Variants in TTLL8 observed in about 807,000 individuals in gnomAD.
TTLL8 encodes the protein tubulin tyrosine ligase like 8, also known as protein monoglycylase TTLL8.
In TTLL8, 65 loss-of-function variants were observed where a neutral mutation model predicts 77.8. The observed-to-expected ratio is 0.84, with a 90% CI of 0.68 to 1.03. The LOEUF (loss-of-function observed/expected upper bound fraction) is 1.03. Among genes scored for constraint, TTLL8 ranks in the 50% least tolerant of loss-of-function variants. TTLL8 has a pLI of 0.00. For synonymous variants in TTLL8, 402 were observed against 422.8 expected (o/e 0.95, Z 0.60); for missense variants, 910 against 1,004.5 (o/e 0.91, Z 1.27).
intron 12 of TTLL8, among the ~76,000 whole-genome samples, chr22:50,018,725 C>G (rs1464285477): frequency 6.6e-6 from 1 of 152,226 alleles, no homozygotes; most frequent in Non-Finnish European, 1.5e-5. Flanking sequence ...AAGACGTATT[C>G]AATGTTCGGC....
rs2061287470 is a variant in TTLL8, at chr22:50,031,032, T to C, written c.1708-107A>G. 3 of 1,060,026 alleles carry C rather than the reference T, an allele frequency of 2.8e-6. No homozygotes were observed. The Admixed American group carries it at 1.0e-4, about 36-fold the overall frequency. The allele number at this position is 1,060,026 out of a possible 1,614,324, so 65.7% of individuals were successfully genotyped here. ...GCTGGTCGGGGCACAGACCCCCACCTGACTCAGGAGTGAACAGTGAACACC... is the reference window on the plus strand; with the variant it reads ...GCTGGTCGGGGCACAGACCCCCACCCGACTCAGGAGTGAACAGTGAACACC... On this transcript the variant is annotated intron_variant, in intron 11 of 13. Coordinates refer to ENST00000266182, the Ensembl canonical transcript of TTLL8.
chr22:50,047,412 C>T (rs770491610), intron 3 of TTLL8, 116 bp from the exon 6 acceptor site: 259 of 842,002 alleles, frequency 3.1e-4, no homozygotes, highest in African/African-American at 5.8e-4. Context: ...GGATCCCAGC[C>T]GGGCTCTGCT....
At chr22:50,028,609 CACCGTCCTGAAGACCCCCACAT>C (rs2061248331) in intron 12 of TTLL8, among the ~76,000 whole-genome samples, 1 of 143,386 alleles carries the variant, frequency 7.0e-6, no homozygotes. Flanking sequence ...ACCCCCATCA[CACCGTCCTGAAGACCCCCACAT>C]ACCCTCGTAA....
chr22:50,058,177 G>C (rs1160627682), upstream of TTLL8, among the ~76,000 whole-genome samples: 2 of 151,868 alleles, frequency 1.3e-5, no homozygotes, highest in Non-Finnish European at 2.9e-5. This position sits in a 1 kb window ranked among gnomAD's most constrained non-coding sequence, Gnocchi z 4.2. Context: ...AGTGGCTCGC[G>C]CTGCGCCGCC....
intron 8 of TTLL8, among the ~76,000 whole-genome samples, chr22:50,039,343 C>T (rs957187163): frequency 5.9e-5 from 9 of 152,106 alleles, no homozygotes; most frequent in African/African-American, 1.9e-4. Context: ...GGTGCAGTGG[C>T]TCATGCCTGT....
In TTLL8 at chr22:50,027,799, A is replaced by G. The variant is rs190035595; in HGVS notation, c.2203+2631T>C. On this transcript the variant is annotated intron_variant, in intron 12 of 13. Transcript: ENST00000266182. The stretch of plus-strand genomic sequence containing the variant: ...GAGCACTAGCCTGAGGCCGAGGGGC[A>G]CATGGAGCTGGCCTGAGCCCAGCCA... The G allele has an allele frequency of 7.4e-3, 7,303 of 985,468 alleles. 27 individuals are homozygous for G. Among genetic ancestry groups the G allele is most frequent in the Admixed American group, 9.8e-3 (159 of 16,292 alleles). 61.0% of individuals were successfully genotyped at this position (985,468 alleles called of 1,614,324 possible).
chr22:50,020,750 C>CCATCTGATGATGTGTACTCCTT lies in TTLL8; in HGVS notation c.2204-4210_2204-4189dup, dbSNP rs2061191337. Reference sequence around the variant, plus strand: ...TGCACTCCATCTGATGTGCATTCCTCCATCTGATGATGTGTACTCCTTCAT... The same window carrying CCATCTGATGATGTGTACTCCTT: ...TGCACTCCATCTGATGTGCATTCCTCCATCTGATGATGTGTACTCCTTCATCTGATGATGTGTACTCCTTCAT... On this transcript the variant is annotated intron_variant, in intron 12 of 13. Transcript: ENST00000266182. Among the ~76,000 whole-genome samples, 5 of 149,920 alleles carry CCATCTGATGATGTGTACTCCTT rather than the reference C, an allele frequency of 3.3e-5. No homozygotes were observed. In the East Asian group the frequency reaches 5.9e-4, roughly 18 times the overall value.
intron 3 of TTLL8, 112 bp downstream of exon 5, chr22:50,049,137 C>T: frequency 7.6e-7 from 1 of 1,320,094 alleles, no homozygotes; most frequent in Non-Finnish European, 1.0e-6. Context: ...GGGCTTTGCC[C>T]TCGCCGGGCT....
At position 50,045,399 on chromosome 22, in the gene TTLL8, CA is replaced by C. The variant is rs1261533485; in HGVS notation, c.509-11del. The C allele has an allele frequency of 2.9e-6, 4 of 1,364,608 alleles. No homozygotes were observed. The highest frequency in any genetic ancestry group is 3.9e-6 in the Non-Finnish European group (4 of 1,021,794). The allele number at this position is 1,364,608 out of a possible 1,614,324, so 84.5% of individuals were successfully genotyped here. ...GTGCGCCGGAAGTCTTCTGAAAGGA[CA>C]GCACAGCCTCGCCCTATCTGTCCGA... On this transcript the variant is annotated splice_polypyrimidine_tract_variant and intron_variant, in intron 5 of 13. Coordinates refer to ENST00000266182, the Ensembl canonical transcript of TTLL8.
chr22:50,028,428 G>T (rs2061245045), intron 12 of TTLL8, among the ~76,000 whole-genome samples: 1 of 152,178 alleles, frequency 6.6e-6, no homozygotes, highest in Non-Finnish European at 1.5e-5. Context: ...CCCACACCTG[G>T]GAATGTGCCC....
chr22:50,046,560 CG>C (rs972615292), intron 4 of TTLL8, among the ~76,000 whole-genome samples: 1 of 152,250 alleles, frequency 6.6e-6, no homozygotes, highest in Non-Finnish European at 1.5e-5. Flanking sequence ...CCACTAGCAG[CG>C]CTGGCGCTGG....
chr22:50,045,508 G>C (rs1052404779), intron 5 of TTLL8, 119 bp from the exon 8 acceptor site: 76 of 861,246 alleles, frequency 8.8e-5, no homozygotes, highest in Admixed American at 2.8e-4. Flanking sequence ...AGCCGATGGG[G>C]CCCAGGCCTG....
intron 12 of TTLL8, among the ~76,000 whole-genome samples, chr22:50,025,168 A>G (rs1171438182): frequency 6.6e-6 from 1 of 151,982 alleles, no homozygotes; most frequent in African/African-American, 2.4e-5. Context: ...GTTTACACTG[A>G]GCGATTATTA....
intron 6 of TTLL8, among the ~76,000 whole-genome samples, chr22:50,042,233 T>C (rs2061376042): frequency 6.6e-6 from 1 of 152,216 alleles, no homozygotes; most frequent in African/African-American, 2.4e-5. Flanking sequence ...GGAGGAGATA[T>C]TTGCACACAC....
chr22:50,025,521 C>T (rs1171046883), intron 12 of TTLL8, among the ~76,000 whole-genome samples: 1 of 152,162 alleles, frequency 6.6e-6, no homozygotes, highest in Non-Finnish European at 1.5e-5. Flanking sequence ...TGCCTGTAAT[C>T]CCAGCTACTC....
At chr22:50,053,141 G>T (rs886631074) in intron 1 of TTLL8, among the ~76,000 whole-genome samples, 3 of 149,716 alleles carry the variant, frequency 2.0e-5, no homozygotes, top group Non-Finnish European at 2.9e-5. Context: ...AGAATCGCTT[G>T]AACCTGGAAG....
At chr22:50,037,662 C>T (rs1489109053) in intron 8 of TTLL8, among the ~76,000 whole-genome samples, 1 of 152,166 alleles carries the variant, frequency 6.6e-6, no homozygotes, top group South Asian at 2.1e-4. Context: ...TGAATTGCAG[C>T]AGCAGCTTGG....
intron 6 of TTLL8, among the ~76,000 whole-genome samples, chr22:50,043,607 T>A (rs889136225): frequency 6.6e-6 from 1 of 151,840 alleles, no homozygotes; most frequent in Admixed American, 6.6e-5. Context: ...AGATAAACAG[T>A]GGTGCCGACG....
At chr22:50,049,254 C>G (rs113127908) in exon 3 of TTLL8, 18 of 1,367,676 alleles carry the variant, frequency 1.3e-5, no homozygotes, top group Non-Finnish European at 1.8e-5. Flanking sequence ...CGTACCATCA[C>G]GTCGTGGATG....
Sources: gnomAD v4.1 joint callset for allele counts (sites outside exome capture counted in the v4.1 genomes callset) on GRCh38, gnomAD v4.1.1 for gene constraint, Gnocchi (gnomAD v3.1) non-coding constraint, MANE v1.5 for transcripts, NCBI Gene and HGNC (gene_info 2026-07-23, HGNC 2026-07-21) for gene names.